Variants in GID4 observed in about 807,000 individuals in gnomAD.
GID4 encodes glucose-induced degradation protein 4 homolog.
GID4 carries 7 observed loss-of-function variants against 32.4 expected under a neutral mutation model. The ratio of observed to expected loss-of-function variants is 0.22; its 90% confidence interval spans 0.12 to 0.41. The LOEUF (loss-of-function observed/expected upper bound fraction) is 0.41, where lower values mean the gene tolerates loss of function less well. Ranked by LOEUF, GID4 falls within the 10% of genes least tolerant of loss-of-function variation. The pLI, the probability that GID4 is intolerant of heterozygous loss-of-function variation, is 1.00. For synonymous variants in GID4, 166 were observed against 170.0 expected (o/e 0.98, Z 0.18); for missense variants, 309 against 400.0 (o/e 0.77, Z 1.94).
At chr17:18,040,110 G>A (rs936383609) in intron 1 of GID4, among the ~76,000 whole-genome samples, 3 of 151,996 alleles carry the variant, frequency 2.0e-5, no homozygotes, top group Admixed American at 6.5e-5. Context: ...CCCAGAGCCC[G>A]TCGTGACCGG....
At chr17:18,044,214 C>T (rs182420770) in intron 1 of GID4, among the ~76,000 whole-genome samples, 10 of 152,318 alleles carry the variant, frequency 6.6e-5, no homozygotes, top group Admixed American at 5.9e-4. Context: ...AGGAGACTTA[C>T]ACATCTGATG....
chr17:18,045,851 C>T (rs748585491), intron 2 of GID4, among the ~76,000 whole-genome samples: 5 of 149,904 alleles, frequency 3.3e-5, no homozygotes, highest in Admixed American at 6.7e-5. Flanking sequence ...GCCAAGATCA[C>T]CATGCACTCC....
intron 3 of GID4, among the ~76,000 whole-genome samples, chr17:18,055,119 C>A (rs1038804774): frequency 6.1e-5 from 9 of 148,406 alleles, no homozygotes; most frequent in African/African-American, 2.2e-4. Context: ...TGCAGTGAGC[C>A]GAGATTGTGC....
At chr17:18,043,230 A>G (rs984929375) in intron 1 of GID4, among the ~76,000 whole-genome samples, 1 of 152,194 alleles carries the variant, frequency 6.6e-6, no homozygotes, top group African/African-American at 2.4e-5. Flanking sequence ...ATTTGAGTTC[A>G]CCAACCATTA....
intron 1 of GID4, among the ~76,000 whole-genome samples, chr17:18,044,529 T>C (rs934805106): frequency 6.6e-6 from 1 of 152,160 alleles, no homozygotes; most frequent in East Asian, 1.9e-4. Context: ...ATGCACAGAG[T>C]GAACATTCAC....
At chr17:18,047,975 A>G (rs928016457) in intron 2 of GID4, among the ~76,000 whole-genome samples, 6 of 150,692 alleles carry the variant, frequency 4.0e-5, no homozygotes, top group African/African-American at 7.3e-5. Context: ...ATCTCGGCTC[A>G]CTGCAAGCTC....
intron 5 of GID4, 155 bp downstream of exon 5, chr17:18,062,130 G>C: frequency 1.4e-6 from 1 of 695,568 alleles, no homozygotes; most frequent in South Asian, 1.7e-5. Context: ...GATCTCAGTT[G>C]CTCACAATAA....
At chr17:18,063,962 C>G (rs925189728) in intron 5 of GID4, among the ~76,000 whole-genome samples, 1 of 152,192 alleles carries the variant, frequency 6.6e-6, no homozygotes, top group Non-Finnish European at 1.5e-5. Flanking sequence ...AGGCCTGTCT[C>G]GAACTCCTGA....
intron 1 of GID4, among the ~76,000 whole-genome samples, chr17:18,043,131 C>CTG (rs2044819623): frequency 6.6e-6 from 1 of 152,204 alleles, no homozygotes; most frequent in Non-Finnish European, 1.5e-5. Context: ...CACAGCTGTG[C>CTG]TGTGACACCT....
At chr17:18,054,924 C>T (rs2145565097) in intron 3 of GID4, among the ~76,000 whole-genome samples, 1 of 152,274 alleles carries the variant, frequency 6.6e-6, no homozygotes, top group Non-Finnish European at 1.5e-5. Context: ...GTAATCCCAG[C>T]ACTTTGGGAG....
In GID4 at chr17:18,045,157, C is replaced by A. The variant is rs765753088; in HGVS notation, c.449C>A (p.Thr150Lys). 6.6e-5 allele frequency: 106 copies of A among 1,612,766 alleles called. No individual in the cohort carries two copies. The South Asian group carries it at 1.1e-3, about 17-fold the overall frequency. Residue 150 changes from threonine (T) to lysine (K), a missense_variant, in exon 2 of 6, where the codon ACG becomes AAG. By Grantham distance (78) the Thr-to-Lys change is moderately conservative (BLOSUM62 -1). This residue lies in a region of GID4 where 116 missense variants were observed against 214.2 expected (regional missense o/e 0.54). Coordinates refer to ENST00000268719, the MANE Select transcript of GID4 (RefSeq NM_024052.5). ...DVEVVLQHVD[T>K]GNSYLCGYLK... is the part of the protein sequence containing the mutation. ...ATCCTTTCTTTTCAGCACGTGGACA[C>A]GGGGAACTCTTACCTTTGTGGGTAC...
rs1407051132 is a variant in GID4 at position 18,066,211 on chromosome 17, CT to C, written c.*969del. On this transcript the variant is annotated 3_prime_UTR_variant, in exon 6 of 6. Coordinates refer to ENST00000268719, the MANE Select transcript of GID4 (RefSeq NM_024052.5). Reference sequence around the variant, plus strand: ...ACCAGCAGTTTTGAAACTAGTCATCCTGGTACAAAAGTTTTGCAGCATTGCC... The same window carrying C: ...ACCAGCAGTTTTGAAACTAGTCATCCGGTACAAAAGTTTTGCAGCATTGCC... The C allele has an allele frequency of 5.2e-5, 8 of 152,560 alleles. No homozygotes were observed. The highest frequency in any genetic ancestry group is 1.2e-4 in the Non-Finnish European group (8 of 68,032). The allele number at this position is 152,560 out of a possible 1,614,324, so 9.5% of individuals were successfully genotyped here.
intron 4 of GID4, 73 bp downstream of exon 4, chr17:18,059,042 A>C: frequency 1.2e-6 from 1 of 821,302 alleles, no homozygotes; most frequent in East Asian, 2.5e-5. Flanking sequence ...TATTCACTCT[A>C]ACCAAGGGCT....
At chr17:18,046,783 A>T (rs1567585121) in intron 2 of GID4, among the ~76,000 whole-genome samples, 1 of 152,028 alleles carries the variant, frequency 6.6e-6, no homozygotes, top group Non-Finnish European at 1.5e-5. Flanking sequence ...TTAGCTGGGC[A>T]TGTTGGCAGG....
At chr17:18,059,142 C>T (rs554377741) in intron 4 of GID4, among the ~76,000 whole-genome samples, 173 bp downstream of exon 4, 1 of 152,308 alleles carries the variant, frequency 6.6e-6, no homozygotes, top group African/African-American at 2.4e-5. Context: ...GGCCCAGCTC[C>T]AGGGCACGCA....
At chr17:18,045,905 A>G (rs1458681194) in intron 2 of GID4, among the ~76,000 whole-genome samples, 1 of 148,850 alleles carries the variant, frequency 6.7e-6, no homozygotes, top group African/African-American at 2.6e-5. Flanking sequence ...AAAAAAAAAA[A>G]AGAAAGAAAA....
At chr17:18,046,418 A>C (rs1001387849) in intron 2 of GID4, among the ~76,000 whole-genome samples, 1 of 152,162 alleles carries the variant, frequency 6.6e-6, no homozygotes, top group Non-Finnish European at 1.5e-5. Flanking sequence ...CAGCCTGGAC[A>C]GCATAGCAAG....
At chr17:18,049,361 T>G (rs1049268923) in intron 2 of GID4, among the ~76,000 whole-genome samples, 19 of 142,332 alleles carry the variant, frequency 1.3e-4, no homozygotes, top group South Asian at 2.2e-4. Context: ...AGGAGATAAG[T>G]GTCAAAAAAA....
intron 5 of GID4, among the ~76,000 whole-genome samples, chr17:18,064,474 T>C (rs1313071024): frequency 1.3e-5 from 2 of 152,222 alleles, no homozygotes; most frequent in African/African-American, 4.8e-5. Flanking sequence ...TTTCCTACGT[T>C]CTTCCACACT....
Sources: allele counts gnomAD v4.1 joint callset (sites outside exome capture counted in the v4.1 genomes callset), GRCh38; gene constraint gnomAD v4.1.1; regional missense constraint gnomAD v4.1.1; transcripts MANE v1.5; gene names NCBI Gene and HGNC (gene_info 2026-07-23, HGNC 2026-07-21).